CUX1: variants seen among roughly 807,000 people sequenced by gnomAD.
CUX1 encodes the protein protein CASP.
In CUX1, 31 loss-of-function variants were observed where a neutral mutation model predicts 158.8. The ratio of observed to expected loss-of-function variants is 0.20; its 90% confidence interval spans 0.15 to 0.26. The LOEUF is 0.26. CUX1 is among the 10% of genes least tolerant of loss of function. The pLI, the probability that CUX1 is intolerant of heterozygous loss-of-function variation, is 1.00. For synonymous variants in CUX1, 879 were observed against 862.1 expected, an observed-to-expected ratio of 1.02 and a Z score of -0.34; for missense variants, 1,589 against 2,014.6, an observed-to-expected ratio of 0.79 and a Z score of 4.04.
chr7:102,258,361 A>G (rs2021738), downstream of CUX1: 161,055 of 179,144 alleles, frequency 0.9, 73,003 homozygotes, highest in East Asian at 0.98. Context: ...ACCTGTCCGC[A>G]GGTCCTCGGG....
At position 102,202,074 on chromosome 7, in the gene CUX1, C is replaced by G. The variant is rs141696858; in HGVS notation, c.2777C>G (p.Ser926Trp). The change falls in exon 18 of 24, where the codon TCG becomes TGG. Residue 926 changes from serine (S) to tryptophan (W), a missense_variant. By Grantham distance (177) the Ser-to-Trp change is radical. Transcript: ENST00000292535. ...CCCATGTCCAAGCCCACCAAGCCCTCGGTCCCCCCGCTGACCCCCGAGCAG... is the reference window on the plus strand; with the variant it reads ...CCCATGTCCAAGCCCACCAAGCCCTGGGTCCCCCCGCTGACCCCCGAGCAG... ...IVPMSKPTKPSVPPLTPEQYE... is the reference protein window; with the variant it reads ...IVPMSKPTKPWVPPLTPEQYE... 2 of 1,614,026 alleles carry G rather than the reference C, an allele frequency of 1.2e-6. No homozygotes were observed. The highest frequency in any genetic ancestry group is 2.2e-5 in the South Asian group (2 of 91,080).
At chr7:102,006,251 T>C (rs1357302998) in intron 2 of CUX1, among the ~76,000 whole-genome samples, 1 of 152,146 alleles carries the variant, frequency 6.6e-6, no homozygotes, top group Non-Finnish European at 1.5e-5. Context: ...ACCTGCCTTT[T>C]AATGGCCAGG....
chr7:102,259,809 C>T (rs1790257158), downstream of CUX1, among the ~76,000 whole-genome samples: 1 of 150,904 alleles, frequency 6.6e-6, no homozygotes, highest in African/African-American at 2.4e-5. Context: ...AACAGTTGGG[C>T]ACAGTGGCTC....
At chr7:102,235,896 C>G (rs1341536129) in intron 22 of CUX1, among the ~76,000 whole-genome samples, 1 of 151,962 alleles carries the variant, frequency 6.6e-6, no homozygotes, top group Non-Finnish European at 1.5e-5. Context: ...CGTTCTCACC[C>G]AACCCGGGAA....
chr7:101,875,770 C>CT (rs1470200393), intron 1 of CUX1, among the ~76,000 whole-genome samples: 2 of 152,150 alleles, frequency 1.3e-5, no homozygotes, highest in African/African-American at 4.8e-5. Context: ...CTTTCATCCT[C>CT]TATTACGTAG....
chr7:101,973,850 CCT>C (rs1812317295), intron 2 of CUX1, among the ~76,000 whole-genome samples: 2 of 150,614 alleles, frequency 1.3e-5, no homozygotes, highest in African/African-American at 2.4e-5. Context: ...CTCACGGCAA[CCT>C]CCACCTCCCA....
intron 3 of CUX1, among the ~76,000 whole-genome samples, chr7:102,064,972 C>T (rs968625013): frequency 2.0e-5 from 3 of 152,140 alleles, no homozygotes; most frequent in Non-Finnish European, 2.9e-5. Flanking sequence ...AAGCAAAGCA[C>T]GGAACTAGGA....
intron 8 of CUX1, chr7:102,125,386 G>GGAACATTCACGCCT (rs1554494858): frequency 6.6e-6 from 1 of 152,330 alleles, no homozygotes; most frequent in Non-Finnish European, 1.5e-5. Flanking sequence ...GGCCCAGCCT[G>GGAACATTCACGCCT]GAACATTCAC....
chr7:102,130,473 G>T (rs960738657), intron 8 of CUX1, among the ~76,000 whole-genome samples: 2 of 152,160 alleles, frequency 1.3e-5, no homozygotes, highest in Non-Finnish European at 2.9e-5. Context: ...CTGAGGTCAG[G>T]AGTTCGAGAC....
chr7:102,145,831 C>T (rs1222790601), intron 8 of CUX1, among the ~76,000 whole-genome samples: 6 of 152,112 alleles, frequency 3.9e-5, no homozygotes, highest in Non-Finnish European at 8.8e-5. Context: ...CCTGTAATCC[C>T]AGCTACTCAT....
intron 20 of CUX1, among the ~76,000 whole-genome samples, chr7:102,208,973 C>A (rs1554522405): frequency 1.3e-5 from 2 of 152,190 alleles, no homozygotes; most frequent in African/African-American, 4.8e-5. Context: ...GGACAACTTG[C>A]TCAGCCAGCC....
At chr7:101,987,309 C>T (rs1037732736) in intron 2 of CUX1, among the ~76,000 whole-genome samples, 2 of 152,154 alleles carry the variant, frequency 1.3e-5, no homozygotes, top group African/African-American at 4.8e-5. Flanking sequence ...TGTGGAACTC[C>T]CCAAGCTACG....
intron 6 of CUX1, among the ~76,000 whole-genome samples, chr7:102,104,718 C>A (rs541326918): frequency 6.6e-6 from 1 of 151,852 alleles, no homozygotes; most frequent in African/African-American, 2.4e-5. Flanking sequence ...GGTGAAACCC[C>A]GTCTCTACTA....
intron 2 of CUX1, among the ~76,000 whole-genome samples, chr7:101,999,494 C>T (rs1210379716): frequency 6.6e-6 from 1 of 152,270 alleles, no homozygotes; most frequent in Non-Finnish European, 1.5e-5. Context: ...TACACCAGCT[C>T]GGTTAAGACG....
At chr7:102,078,698 C>T (rs192518508) in intron 4 of CUX1, among the ~76,000 whole-genome samples, 12 of 152,320 alleles carry the variant, frequency 7.9e-5, no homozygotes, top group African/African-American at 2.4e-4. Context: ...GTGACTGACT[C>T]GTCTCCCTTT....
chr7:102,117,663 T>A (rs1196966978), intron 8 of CUX1, among the ~76,000 whole-genome samples: 1 of 151,990 alleles, frequency 6.6e-6, no homozygotes, highest in Non-Finnish European at 1.5e-5. Flanking sequence ...GCATAGTACA[T>A]CCCTAGCATC....
intron 1 of CUX1, among the ~76,000 whole-genome samples, chr7:101,843,041 A>G (rs1795332665): frequency 6.6e-6 from 1 of 150,742 alleles, no homozygotes; most frequent in Admixed American, 6.6e-5. Flanking sequence ...AATTTTTTGT[A>G]TTTTTTAGTA....
At chr7:101,854,520 TC>T (rs1796588043) in intron 1 of CUX1, among the ~76,000 whole-genome samples, 1 of 152,054 alleles carries the variant, frequency 6.6e-6, no homozygotes, top group South Asian at 2.1e-4. Context: ...CTTCCTAAGT[TC>T]TTAGTGTTTG....
Position 101,916,793 on chromosome 7 carries a change from G to GT in CUX1, c.141+574dup, listed in dbSNP as rs1377298326. ...GGAAATGTGCTTTTTATATACTCCT[G>GT]TTTTTTCTCTCGTGAGTGTGCAATC... On this transcript the variant is annotated intron_variant, in intron 2 of 23. Coordinates refer to ENST00000292535, the MANE Select transcript of CUX1 (RefSeq NM_181552.4). This position sits in a 1 kb window ranked among gnomAD's most constrained non-coding sequence, Gnocchi z 4.4. Among the ~76,000 whole-genome samples the GT allele has an allele frequency of 6.6e-5, 10 of 152,064 alleles. No homozygotes were observed. Among genetic ancestry groups the GT allele is most frequent in the African/African-American group, 9.7e-5 (4 of 41,390 alleles).
Sources: gnomAD v4.1 joint callset for allele counts (sites outside exome capture counted in the v4.1 genomes callset) on GRCh38, gnomAD v4.1.1 for gene constraint, Gnocchi (gnomAD v3.1) non-coding constraint, MANE v1.5 for transcripts, NCBI Gene and HGNC (gene_info 2026-07-23, HGNC 2026-07-21) for gene names.